Variants in SNX9 observed in about 807,000 individuals in gnomAD.
SNX9 encodes the protein sorting nexin-9.
A neutral mutation model predicts 89.4 loss-of-function variants in SNX9; 44 were observed. The ratio of observed to expected loss-of-function variants is 0.49; its 90% CI spans 0.39 to 0.63. The LOEUF is 0.63. Ranked by LOEUF, SNX9 falls within the 30% of genes least tolerant of loss-of-function variation. The probability of loss-of-function intolerance (pLI) is 0.00; values close to 1 mark genes in which losing one functional copy is unlikely to be tolerated. For missense variants in SNX9, 578 were observed against 736.1 expected (o/e 0.79, Z 2.49); for synonymous variants, 236 against 247.8 (o/e 0.95, Z 0.45).
Position 157,872,955 on chromosome 6 carries a change from T to G in SNX9, c.100-147T>G, listed in dbSNP as rs889389536. The G allele has an allele frequency of 5.7e-6, 3 of 522,116 alleles. No individual in the cohort carries two copies. The African/African-American group carries it at 5.8e-5, about 10-fold the overall frequency. The allele number at this position is 522,116 out of a possible 1,614,324, so 32.3% of individuals were successfully genotyped here. On this transcript the variant is annotated intron_variant, in intron 2 of 17. Coordinates refer to ENST00000392185, the MANE Select transcript of SNX9 (RefSeq NM_016224.5). ...CTGAAGTAAAGAGAAGGCTTAAGAATTTAAGATTTTGAACGGTGTTCTCTA... is the reference window on the plus strand; with the variant it reads ...CTGAAGTAAAGAGAAGGCTTAAGAAGTTAAGATTTTGAACGGTGTTCTCTA...
chr6:157,845,223 C>T (rs994693012), intron 1 of SNX9, among the ~76,000 whole-genome samples: 4 of 151,894 alleles, frequency 2.6e-5, no homozygotes, highest in Admixed American at 1.3e-4. Context: ...ATTCTCCTGC[C>T]TCAGCTTTCC....
At chr6:157,904,619 G>T (rs1269443897) in intron 6 of SNX9, among the ~76,000 whole-genome samples, 1 of 151,994 alleles carries the variant, frequency 6.6e-6, no homozygotes, top group Non-Finnish European at 1.5e-5. Context: ...ACTGAGGCAG[G>T]ATAATCGCTT....
chr6:157,920,360 C>G (rs1783558723), intron 9 of SNX9, among the ~76,000 whole-genome samples: 1 of 152,186 alleles, frequency 6.6e-6, no homozygotes, highest in Non-Finnish European at 1.5e-5. Flanking sequence ...CTGAGATTGT[C>G]ACTGCCACTG....
At chr6:157,916,218 T>C (rs1783468215) in intron 9 of SNX9, among the ~76,000 whole-genome samples, 1 of 152,082 alleles carries the variant, frequency 6.6e-6, no homozygotes, top group Non-Finnish European at 1.5e-5. Context: ...ATATTTTTAG[T>C]AGAGATGGGG....
At chr6:157,836,519 G>A (rs571758659) in intron 1 of SNX9, among the ~76,000 whole-genome samples, 24 of 152,166 alleles carry the variant, frequency 1.6e-4, no homozygotes, top group African/African-American at 5.1e-4. Flanking sequence ...TCACCAACCC[G>A]GGGAGCTTGT....
chr6:157,894,485 AAG>A (rs1782937604), intron 4 of SNX9, among the ~76,000 whole-genome samples: 2 of 151,176 alleles, frequency 1.3e-5, no homozygotes, highest in African/African-American at 4.9e-5. Flanking sequence ...AAAAAAAAAA[AAG>A]CTAACAAAAA....
rs527383419 is a variant in SNX9 at position 157,842,927 on chromosome 6, C to A, written c.12+19481C>A. ...ACTGGACCCCAGACAAGAAGGGGGT[C>A]TTTTCAGGAAAGGGCTGTTACCAAT... is the stretch of plus-strand genomic sequence containing the variant. On this transcript the variant is annotated intron_variant, in intron 1 of 17. Coordinates refer to ENST00000392185, the MANE Select transcript of SNX9 (RefSeq NM_016224.5). Among the ~76,000 whole-genome samples, 31 of 152,298 alleles carry A rather than the reference C, an allele frequency of 2.0e-4. No homozygotes were observed. In the South Asian group the frequency reaches 2.1e-3, roughly 10 times the overall value.
intron 1 of SNX9, among the ~76,000 whole-genome samples, chr6:157,839,547 C>T (rs535969392): frequency 6.6e-6 from 1 of 152,324 alleles, no homozygotes; most frequent in East Asian, 1.9e-4. Context: ...TGAATGGATT[C>T]AGGTGTGAAT....
chr6:157,893,255 C>T (rs1057192492), intron 4 of SNX9, among the ~76,000 whole-genome samples: 5 of 152,186 alleles, frequency 3.3e-5, no homozygotes, highest in Admixed American at 2.0e-4. Flanking sequence ...GAGTCCATCC[C>T]GAAGCCGAAT....
At chr6:157,842,457 CA>C (rs1712077727) in intron 1 of SNX9, among the ~76,000 whole-genome samples, 1 of 152,164 alleles carries the variant, frequency 6.6e-6, no homozygotes, top group Non-Finnish European at 1.5e-5. Context: ...TTTATCAAGA[CA>C]GGGGGATTGC....
At chr6:157,891,769 G>A (rs943372859) in intron 4 of SNX9, among the ~76,000 whole-genome samples, 2 of 152,214 alleles carry the variant, frequency 1.3e-5, no homozygotes, top group Admixed American at 6.5e-5. Flanking sequence ...CCTTCTGATG[G>A]GGTAGGGCTT....
chr6:157,927,718 CTTTTTTTTTTTTTTTTT>C (rs761592456), intron 11 of SNX9, among the ~76,000 whole-genome samples: 1 of 98,762 alleles, frequency 1.0e-5, no homozygotes, highest in East Asian at 2.9e-4. Context: ...TAATTTTAAG[CTTTTTTTTTTTTTTTTT>C]TTTTTTTTTG....
chr6:157,867,494 T>C (rs1334322106), intron 1 of SNX9, 53 bp from the exon 2 acceptor site: 6 of 1,459,506 alleles, frequency 4.1e-6, no homozygotes, highest in Middle Eastern at 1.7e-4. Context: ...TTTTGTGTTT[T>C]TACTACTCTG....
Position 157,944,284 on chromosome 6 carries a change from T to C in SNX9, c.*1446T>C, listed in dbSNP as rs1012690010. Reference sequence around the variant, plus strand: ...CCAAAAATAAGTAGATGAAATCAAATGAATATGAGAACATCTTGTTCTTCA... The same window carrying C: ...CCAAAAATAAGTAGATGAAATCAAACGAATATGAGAACATCTTGTTCTTCA... On this transcript the variant is annotated 3_prime_UTR_variant, in exon 18 of 18. Coordinates refer to ENST00000392185, the MANE Select transcript of SNX9 (RefSeq NM_016224.5). 5 of 152,648 alleles carry C rather than the reference T, an allele frequency of 3.3e-5. No individual in the cohort carries two copies. The highest frequency in any genetic ancestry group is 1.2e-4 in the African/African-American group (5 of 41,458). 9.5% of individuals were successfully genotyped at this position (152,648 alleles called of 1,614,324 possible). A position where few individuals can be genotyped will look rare whatever the true frequency, so the allele number is the denominator to read the frequency against.
intron 1 of SNX9, among the ~76,000 whole-genome samples, chr6:157,864,913 A>C (rs1219766435): frequency 6.6e-6 from 1 of 152,212 alleles, no homozygotes; most frequent in East Asian, 1.9e-4. Context: ...CTGTAATCCC[A>C]GCTACTCGGG....
At chr6:157,891,238 A>G (rs924808206) in intron 4 of SNX9, among the ~76,000 whole-genome samples, 4 of 151,940 alleles carry the variant, frequency 2.6e-5, no homozygotes, top group Non-Finnish European at 4.4e-5. Context: ...CATGTTGGCT[A>G]GGCTGGTCTC....
At chr6:157,933,218 C>G (rs1418186643) in intron 13 of SNX9, among the ~76,000 whole-genome samples, 1 of 152,018 alleles carries the variant, frequency 6.6e-6, no homozygotes, top group Non-Finnish European at 1.5e-5. Context: ...CGCTTGAGCC[C>G]AGGAGGTCGA....
intron 4 of SNX9, among the ~76,000 whole-genome samples, chr6:157,894,691 A>G (rs555986822): frequency 1.8e-4 from 28 of 152,342 alleles, no homozygotes; most frequent in African/African-American, 6.0e-4. Context: ...AAGAAGTATG[A>G]AAGTCCCTTT....
intron 2 of SNX9, among the ~76,000 whole-genome samples, chr6:157,870,499 C>A: frequency 6.6e-6 from 1 of 150,878 alleles, no homozygotes; most frequent in East Asian, 2.0e-4. Flanking sequence ...CTCACCTGCT[C>A]TCACACATAC....
Sources: gnomAD v4.1 joint callset for allele counts (sites outside exome capture counted in the v4.1 genomes callset) on GRCh38, gnomAD v4.1.1 for gene constraint, MANE v1.5 for transcripts, NCBI Gene and HGNC (gene_info 2026-07-23, HGNC 2026-07-21) for gene names.